The following CENPH variants were observed in gnomAD, a reference collection of about 807,000 sequenced individuals.
The protein encoded by CENPH is CENP-H.
In CENPH, 40 loss-of-function variants were observed where a neutral mutation model predicts 42.9. The observed-to-expected ratio is 0.93, with a 90% CI of 0.72 to 1.21. The LOEUF (loss-of-function observed/expected upper bound fraction) is 1.21. Ranked by LOEUF, CENPH falls within the 50% of genes most tolerant of loss-of-function variation. CENPH has a pLI of 0.00. For synonymous variants in CENPH, 88 were observed against 96.5 expected, an observed-to-expected ratio of 0.91 and a Z score of 0.52; for missense variants, 302 against 292.9, an observed-to-expected ratio of 1.03 and a Z score of -0.23.
At chr5:69,208,812 T>C (rs888031339) in intron 8 of CENPH, among the ~76,000 whole-genome samples, 1 of 151,748 alleles carries the variant, frequency 6.6e-6, no homozygotes, top group Non-Finnish European at 1.5e-5. Flanking sequence ...CTTTTTTCTT[T>C]TTTCAGACGC....
chr5:69,192,130 TAAC>T (rs1747882729), intron 2 of CENPH, among the ~76,000 whole-genome samples: 3 of 152,158 alleles, frequency 2.0e-5, no homozygotes, highest in Admixed American at 2.0e-4. Flanking sequence ...GTTTGATGAT[TAAC>T]AGTACTCGAG....
chr5:69,198,014 G>A (rs1203773313), intron 5 of CENPH, among the ~76,000 whole-genome samples: 4 of 144,544 alleles, frequency 2.8e-5, no homozygotes, highest in African/African-American at 7.7e-5. Flanking sequence ...TCTGCCTCCC[G>A]GGTTCACGCC....
chr5:69,202,192 T>A (rs1748070806), intron 5 of CENPH, among the ~76,000 whole-genome samples: 1 of 152,212 alleles, frequency 6.6e-6, no homozygotes, highest in Non-Finnish European at 1.5e-5. Context: ...CAAAAGCAGC[T>A]TGTTAGGAAG....
intron 5 of CENPH, among the ~76,000 whole-genome samples, chr5:69,201,393 C>G (rs1359071291): frequency 6.6e-6 from 1 of 152,176 alleles, no homozygotes; most frequent in Non-Finnish European, 1.5e-5. Context: ...TCTTTGAAAA[C>G]AGATACTGTG....
At chr5:69,196,971 A>T in intron 4 of CENPH, 82 bp from the exon 5 acceptor site, 1 of 832,200 alleles carries the variant, frequency 1.2e-6, no homozygotes, top group Non-Finnish European at 1.9e-6. Flanking sequence ...AAGGGAAATC[A>T]ATCTTTTTCA....
At chr5:69,208,037 T>A in intron 7 of CENPH, 159 bp from the exon 8 acceptor site, 1 of 437,924 alleles carries the variant, frequency 2.3e-6, no homozygotes, top group South Asian at 4.2e-5. Context: ...ACCAGGGAAG[T>A]CATTTTCAGA....
At chr5:69,194,536 G>T in intron 2 of CENPH, 111 bp from the exon 3 acceptor site, 4 of 589,972 alleles carry the variant, frequency 6.8e-6, no homozygotes, top group South Asian at 2.6e-5. Context: ...TTTCTGTAAT[G>T]TGAAAACGAC....
At chr5:69,200,825 G>GC (rs1748047787) in intron 5 of CENPH, among the ~76,000 whole-genome samples, 1 of 68,570 alleles carries the variant, frequency 1.5e-5, no homozygotes, top group South Asian at 5.4e-4. Flanking sequence ...TGCAACCTCT[G>GC]CCTCCAGGTT....
intron 2 of CENPH, 26 bp from the exon 3 acceptor site, chr5:69,194,621 A>T (rs1448345841): frequency 1.4e-6 from 2 of 1,450,534 alleles, no homozygotes; most frequent in African/African-American, 1.4e-5. Flanking sequence ...AAATGTTAGT[A>T]ACTTCAAAAA....
chr5:69,197,853 A>AG (rs1747989881), intron 5 of CENPH, among the ~76,000 whole-genome samples: 1 of 150,092 alleles, frequency 6.7e-6, no homozygotes, highest in Admixed American at 6.6e-5. Flanking sequence ...AAAAAAAAAA[A>AG]GACTAGCAGG....
At chr5:69,209,023 G>A (rs1247541641) in intron 8 of CENPH, among the ~76,000 whole-genome samples, 1 of 150,242 alleles carries the variant, frequency 6.7e-6, no homozygotes, top group East Asian at 2.0e-4. Context: ...CTCGAACTCC[G>A]ATGTCAGGTG....
Position 69,189,699 on chromosome 5 carries a change from C to T in CENPH, c.65C>T (p.Ala22Val). ...GCGGACTCCGGAGGGGAAGGCCGGG[C>T]AGGCGGGCCACCGCAGGTCGCCGGC... is the stretch of plus-strand genomic sequence containing the variant. Reference protein sequence around the residue: ...EPADSGGEGRAGGPPQVAGAQ... With the variant: ...EPADSGGEGRVGGPPQVAGAQ... The change falls in exon 1 of 9, where the codon GCA (alanine) becomes GTA (valine). Residue 22 changes from alanine (A) to valine (V), a missense_variant. By Grantham distance (64) the Ala-to-Val change is moderately conservative (BLOSUM62 0). Coordinates refer to ENST00000283006, the MANE Select transcript of CENPH (RefSeq NM_022909.4). 1 of 1,580,140 alleles carries T rather than the reference C, an allele frequency of 6.3e-7. No individual in the cohort carries two copies. The highest frequency in any genetic ancestry group is 8.6e-7 in the Non-Finnish European group (1 of 1,165,744).
chr5:69,194,491 A>C (rs1747931008), intron 2 of CENPH, among the ~76,000 whole-genome samples, 156 bp from the exon 3 acceptor site: 1 of 152,234 alleles, frequency 6.6e-6, no homozygotes, highest in East Asian at 1.9e-4. Flanking sequence ...CTATTGGGTT[A>C]AATAAGTATA....
In CENPH at chr5:69,208,256, A is replaced by G; in HGVS notation, c.548A>G (p.Lys183Arg). The G allele has an allele frequency of 4.4e-6, 7 of 1,594,862 alleles. No homozygotes were observed. The highest frequency in any genetic ancestry group is 6.0e-6 in the Non-Finnish European group (7 of 1,163,060). The change falls in exon 8 of 9, where the codon AAG (lysine) becomes AGG (arginine). Residue 183 changes from lysine to arginine, a missense_variant. Transcript: ENST00000283006. ...LEIQTEKNKQ[K>R]IDLDSMENSE... The stretch of plus-strand genomic sequence containing the variant: ...ATACAGACTGAAAAGAACAAACAGA[A>G]GATTGATTTGGACAGTATGGAAAAC...
Position 69,189,609 on chromosome 5 carries a change from G to A in CENPH, c.-26G>A. The A allele has an allele frequency of 6.3e-7, 1 of 1,578,450 alleles. No individual in the cohort carries two copies. Among genetic ancestry groups the A allele is most frequent in the Non-Finnish European group, 8.6e-7 (1 of 1,166,336 alleles). On this transcript the variant is annotated 5_prime_UTR_variant, in exon 1 of 9. It adds an upstream start codon to the 5' untranslated region. Transcript: ENST00000283006. ...TTTTCTGAGCGCGTTTGCCTGTTGA[G>A]TGGTAGCCTTTCCCCTCAACCAGCA... is the stretch of plus-strand genomic sequence containing the variant.
At chr5:69,199,851 G>A (rs71622276) in intron 5 of CENPH, among the ~76,000 whole-genome samples, 2 of 152,178 alleles carry the variant, frequency 1.3e-5, no homozygotes, top group East Asian at 1.9e-4. Flanking sequence ...GGTGGCTCAC[G>A]CCTGTAATCC....
chr5:69,203,634 G>A (rs1748093559), intron 7 of CENPH, among the ~76,000 whole-genome samples: 1 of 151,936 alleles, frequency 6.6e-6, no homozygotes, highest in African/African-American at 2.4e-5. Flanking sequence ...CTCTCAAAGT[G>A]CTGGTTATAG....
chr5:69,189,649 C>T lies in CENPH; in HGVS notation c.15C>T (p.Pro5=), dbSNP rs919199026. MEEQ[P]QMQDADEPAD... ...CTCAACCAGCAATGGAGGAGCAGCC[C>T]CAGATGCAAGACGCCGACGAGCCCG... The change falls in exon 1 of 9, where the codon CCC becomes CCT. Residue 5 remains proline, a synonymous_variant. Coordinates refer to ENST00000283006, the MANE Select transcript of CENPH (RefSeq NM_022909.4). 4 of 1,602,168 alleles carry T rather than the reference C, an allele frequency of 2.5e-6. No individual in the cohort carries two copies. Among genetic ancestry groups the T allele is most frequent in the Non-Finnish European group, 3.4e-6 (4 of 1,176,478 alleles).
At chr5:69,196,958 T>C (rs1747974124) in intron 4 of CENPH, 95 bp from the exon 5 acceptor site, 2 of 728,148 alleles carry the variant, frequency 2.7e-6, no homozygotes, top group African/African-American at 1.8e-5. Context: ...TTATGTATAT[T>C]TGAAGGGAAA....
Sources: allele counts gnomAD v4.1 joint callset (sites outside exome capture counted in the v4.1 genomes callset), GRCh38; gene constraint gnomAD v4.1.1; transcripts MANE v1.5; gene names NCBI Gene and HGNC (gene_info 2026-07-23, HGNC 2026-07-21).